HNRNPD: variants seen among roughly 807,000 people sequenced by gnomAD.
The protein encoded by HNRNPD is heterogeneous nuclear ribonucleoprotein D.
A neutral mutation model predicts 47.9 loss-of-function variants in HNRNPD; 3 were observed. The observed-to-expected ratio is 0.06, with a 90% CI of 0.03 to 0.16. The LOEUF (loss-of-function observed/expected upper bound fraction) is 0.16. HNRNPD is among the 10% of genes least tolerant of loss of function. The pLI is 1.00. For missense variants in HNRNPD, 287 were observed against 454.2 expected (o/e 0.63, Z 3.35); for synonymous variants, 171 against 165.1 (o/e 1.04, Z -0.28).
intron 3 of HNRNPD, 137 bp from the exon 4 acceptor site, chr4:82,358,957 C>T: frequency 1.5e-6 from 1 of 666,450 alleles, no homozygotes; most frequent in East Asian, 2.8e-5. Context: ...ACTGTCAAGT[C>T]ATGGTGGTGA....
chr4:82,373,828 G>C lies in HNRNPD; in HGVS notation c.-150C>G. The C allele has an allele frequency of 6.8e-7, 1 of 1,473,472 alleles. No individual in the cohort carries two copies. The highest frequency in any genetic ancestry group is 9.0e-7 in the Non-Finnish European group (1 of 1,112,422). The allele number at this position is 1,473,472 out of a possible 1,614,324, so 91.3% of individuals were successfully genotyped here. On this transcript the variant is annotated 5_prime_UTR_variant, in exon 1 of 9. Transcript: ENST00000313899. ...GGAAGGCGCGCGCGTGGCTGCAAAG[G>C]CTCCTGCGCCTCTCCCTGGCCTGCC...
At chr4:82,367,054 CAG>C (rs1356412186) in intron 2 of HNRNPD, among the ~76,000 whole-genome samples, 11 of 117,080 alleles carry the variant, frequency 9.4e-5, no homozygotes, top group Admixed American at 2.7e-4. Flanking sequence ...TTTAAAGAAA[CAG>C]GGGTCATATT....
Position 82,354,041 on chromosome 4 carries a change from C to T in HNRNPD, c.*144G>A, listed in dbSNP as rs951572398. The stretch of plus-strand genomic sequence containing the variant: ...AGAATTAAACTTCAGAGGGACCCAA[C>T]GTCATACTTCCATTCAGGGACTTGA... On this transcript the variant is annotated 3_prime_UTR_variant, in exon 9 of 9. Transcript: ENST00000313899. 6 of 152,752 alleles carry T rather than the reference C, an allele frequency of 3.9e-5. No homozygotes were observed. Among genetic ancestry groups the T allele is most frequent in the African/African-American group, 1.4e-4 (6 of 41,568 alleles). The allele number at this position is 152,752 out of a possible 1,614,324, so 9.5% of individuals were successfully genotyped here. A position where few individuals can be genotyped will look rare whatever the true frequency, so the allele number is the denominator to read the frequency against.
rs1360425432 is a variant in HNRNPD, at chr4:82,373,511, G to T, written c.168C>A (p.Thr56=). 1.9e-6 allele frequency: 3 copies of T among 1,547,798 alleles called. No individual in the cohort carries two copies. Among genetic ancestry groups the T allele is most frequent in the Admixed American group, 2.0e-5 (1 of 50,708 alleles). ...CCTCCGACTCGGCGCTGCCCCCTTC[G>T]GTGCCTCCAGACGCGGTTCCGCCCC... ...GTGGGTASGG[T]EGGSAESEGA... The change falls in exon 1 of 9, where the codon ACC becomes ACA. Residue 56 remains threonine, a synonymous_variant. Transcript: ENST00000313899.
In HNRNPD at chr4:82,356,821, T is replaced by C; in HGVS notation, c.828A>G (p.Ala276=). 1 of 1,614,146 alleles carries C rather than the reference T, an allele frequency of 6.2e-7. No individual in the cohort carries two copies. The highest frequency in any genetic ancestry group is 8.5e-7 in the Non-Finnish European group (1 of 1,179,972). Residue 276 remains alanine, a synonymous_variant, in exon 6 of 9, where the codon GCA becomes GCG. Coordinates refer to ENST00000313899, the MANE Select transcript of HNRNPD (RefSeq NM_031370.3). The part of the protein sequence containing the change: ...QQQWGSRGGF[A]GRARGRGGGP... ...CACCACCTCTTCCACGAGCTCTTCC[T>C]GCAAATCCTCCTCTAGATCCCCACT...
At chr4:82,359,691 A>G (rs1390495288) in intron 2 of HNRNPD, 52 bp from the exon 3 acceptor site, 1 of 1,239,694 alleles carries the variant, frequency 8.1e-7, no homozygotes, top group South Asian at 1.6e-5. Flanking sequence ...TGCCTTAAAT[A>G]TTATCCACAT....
intron 2 of HNRNPD, among the ~76,000 whole-genome samples, chr4:82,369,698 AAAG>A (rs1418720398): frequency 3.3e-5 from 5 of 151,808 alleles, no homozygotes; most frequent in Admixed American, 6.5e-5. Flanking sequence ...AAAAAAAAAA[AAAG>A]AGAGAGAAAA....
intron 1 of HNRNPD, among the ~76,000 whole-genome samples, chr4:82,372,707 C>T (rs968199527): frequency 6.6e-6 from 1 of 152,114 alleles, no homozygotes; most frequent in African/African-American, 2.4e-5. Flanking sequence ...AGTGCAGGCC[C>T]GATCGACTAA....
intron 2 of HNRNPD, among the ~76,000 whole-genome samples, chr4:82,363,482 TGCGTAGTGCAAACACTTTCCAATGAAGTA>T (rs1385024818): frequency 1.3e-5 from 2 of 152,192 alleles, no homozygotes; most frequent in Admixed American, 6.5e-5. Flanking sequence ...CTGTCACTCC[TGCGTAGTGCAAACACTTTCCAATGAAGTA>T]GACAGAACTT....
At chr4:82,372,687 G>C (rs1720115746) in intron 1 of HNRNPD, among the ~76,000 whole-genome samples, 1 of 152,182 alleles carries the variant, frequency 6.6e-6, no homozygotes, top group African/African-American at 2.4e-5. Context: ...GATAGGAACA[G>C]CTCCAGTCAA....
intron 6 of HNRNPD, 34 bp from the exon 7 acceptor site, chr4:82,356,717 A>C: frequency 6.2e-7 from 1 of 1,613,554 alleles, no homozygotes; most frequent in Non-Finnish European, 8.5e-7. Context: ...TAAAGTCAGA[A>C]GATCAGCAAA....
chr4:82,371,645 G>A, intron 1 of HNRNPD, 61 bp from the exon 2 acceptor site: 3 of 1,371,150 alleles, frequency 2.2e-6, no homozygotes, highest in South Asian at 2.5e-5. Flanking sequence ...TTTTGACACT[G>A]TTAGGGTTAA....
At chr4:82,357,262 G>A (rs1723753993) in intron 5 of HNRNPD, 51 bp downstream of exon 5, 1 of 1,539,004 alleles carries the variant, frequency 6.5e-7, no homozygotes, top group Non-Finnish European at 8.8e-7. Flanking sequence ...AAATGGTTAA[G>A]CTCTTTACAA....
chr4:82,370,691 TAA>T (rs1263277066), intron 2 of HNRNPD, among the ~76,000 whole-genome samples: 1 of 152,170 alleles, frequency 6.6e-6, no homozygotes, highest in Non-Finnish European at 1.5e-5. Context: ...TGTAAAGATA[TAA>T]GTTAACTGCC....
At chr4:82,372,196 C>G (rs141440099) in intron 1 of HNRNPD, among the ~76,000 whole-genome samples, 3 of 152,018 alleles carry the variant, frequency 2.0e-5, no homozygotes, top group Non-Finnish European at 1.5e-5. Flanking sequence ...GGAATGGAAG[C>G]GTGAACCCAC....
intron 2 of HNRNPD, 76 bp from the exon 3 acceptor site, chr4:82,359,715 T>C: frequency 1.1e-6 from 1 of 911,178 alleles, no homozygotes; most frequent in Admixed American, 2.5e-5. Context: ...TAACACACCT[T>C]TTCCAAACTG....
chr4:82,365,705 A>G (rs1458308838), intron 2 of HNRNPD, among the ~76,000 whole-genome samples: 1 of 151,844 alleles, frequency 6.6e-6, no homozygotes, highest in Non-Finnish European at 1.5e-5. Context: ...CCCAAGTTCA[A>G]GCAATCTTCC....
chr4:82,369,548 CTG>C (rs1242346905), intron 2 of HNRNPD, among the ~76,000 whole-genome samples: 2 of 146,808 alleles, frequency 1.4e-5, no homozygotes, highest in Non-Finnish European at 3.0e-5. Flanking sequence ...GCACACAGAA[CTG>C]TGTTTAATAA....
At position 82,373,683 on chromosome 4, in the gene HNRNPD, C is replaced by CT; in HGVS notation, c.-6dup. The CT allele has an allele frequency of 6.7e-7, 1 of 1,500,796 alleles. No individual in the cohort carries two copies. Among genetic ancestry groups the CT allele is most frequent in the Non-Finnish European group, 8.8e-7 (1 of 1,132,058 alleles). 93.0% of individuals were successfully genotyped at this position (1,500,796 alleles called of 1,614,324 possible). On this transcript the variant is annotated 5_prime_UTR_variant, in exon 1 of 9. Transcript: ENST00000313899. ...GCCGAACTGCTCCTCCGACATAGTG[C>CT]TAGTGTCTCCGCCGCTGCCGCCGAG...
Sources: allele counts gnomAD v4.1 joint callset (sites outside exome capture counted in the v4.1 genomes callset), GRCh38; gene constraint gnomAD v4.1.1; transcripts MANE v1.5; gene names NCBI Gene and HGNC (gene_info 2026-07-23, HGNC 2026-07-21).